PLPPR5: variants seen among roughly 807,000 people sequenced by gnomAD.
PLPPR5 encodes phospholipid phosphatase related 5, also known as phospholipid phosphatase-related protein type 5.
Under a neutral mutation model 33.9 loss-of-function variants are expected in PLPPR5, and 16 were observed. The ratio of observed to expected loss-of-function variants is 0.47; its 90% confidence interval spans 0.32 to 0.72. PLPPR5 has a LOEUF of 0.72. Ranked by LOEUF, PLPPR5 falls within the 30% of genes least tolerant of loss-of-function variation. The probability of loss-of-function intolerance (pLI) is 0.03; values close to 1 mark genes in which losing one functional copy is unlikely to be tolerated. For synonymous variants in PLPPR5, 163 were observed against 150.3 expected, an observed-to-expected ratio of 1.08 and a Z score of -0.62; for missense variants, 301 against 406.7, an observed-to-expected ratio of 0.74 and a Z score of 2.23.
At chr1:98,926,447 AGTGTGTGTGT>A (rs60874366) in intron 3 of PLPPR5, among the ~76,000 whole-genome samples, 11,589 of 132,666 alleles carry the variant, frequency 0.087, 540 homozygotes, top group South Asian at 0.13. Context: ...AGGTTTGATT[AGTGTGTGTGT>A]GTGTGTGTGT....
chr1:98,963,312 T>C (rs1651313802), intron 1 of PLPPR5, among the ~76,000 whole-genome samples: 1 of 152,242 alleles, frequency 6.6e-6, no homozygotes, highest in Non-Finnish European at 1.5e-5. Flanking sequence ...GTACATTTAT[T>C]ATGATAATTT....
chr1:98,942,807 C>T (rs778526299), intron 3 of PLPPR5, among the ~76,000 whole-genome samples: 2 of 152,180 alleles, frequency 1.3e-5, no homozygotes, highest in East Asian at 1.9e-4. Flanking sequence ...GGGGTGGACA[C>T]CTCATTCACT....
At chr1:98,918,578 T>A (rs556633559) in intron 4 of PLPPR5, among the ~76,000 whole-genome samples, 7 of 152,296 alleles carry the variant, frequency 4.6e-5, no homozygotes, top group South Asian at 4.1e-4. Flanking sequence ...ACACAGCACA[T>A]AATTCCTTAT....
chr1:98,947,508 A>C (rs1650600811), intron 3 of PLPPR5, among the ~76,000 whole-genome samples: 1 of 152,228 alleles, frequency 6.6e-6, no homozygotes, highest in African/African-American at 2.4e-5. Flanking sequence ...GTAACTGCAA[A>C]ACAGCATTAT....
chr1:99,003,747 G>C (rs1557700431), intron 1 of PLPPR5, among the ~76,000 whole-genome samples: 1 of 152,178 alleles, frequency 6.6e-6, no homozygotes, highest in Non-Finnish European at 1.5e-5. Flanking sequence ...AAGAGAAAAG[G>C]ACTTAAATTG....
intron 1 of PLPPR5, among the ~76,000 whole-genome samples, chr1:98,979,082 A>G (rs1224822790): frequency 1.3e-5 from 2 of 152,068 alleles, no homozygotes; most frequent in African/African-American, 2.4e-5. Flanking sequence ...TACGTAAAAC[A>G]GTGACTGAGT....
At chr1:98,947,787 CTAA>C (rs1650611038) in intron 3 of PLPPR5, among the ~76,000 whole-genome samples, 3 of 152,168 alleles carry the variant, frequency 2.0e-5, no homozygotes, top group African/African-American at 7.2e-5. Flanking sequence ...CATCAATCGA[CTAA>C]TAATAGTGGT....
At chr1:98,981,164 C>T (rs564747692) in intron 1 of PLPPR5, among the ~76,000 whole-genome samples, 9 of 151,998 alleles carry the variant, frequency 5.9e-5, no homozygotes, top group African/African-American at 1.7e-4. Flanking sequence ...ATTACTTGTG[C>T]GAGAGAGGTA....
chr1:98,892,544 ATAAAG>A lies in PLPPR5; in HGVS notation c.*523_*527del, dbSNP rs72175396. The A allele has an allele frequency of 0.17, 25,654 of 152,618 alleles. 2,381 individuals carry two copies. Among genetic ancestry groups the A allele is most frequent in the Non-Finnish European group, 0.21 (14,498 of 68,142 alleles). 9.5% of individuals were successfully genotyped at this position (152,618 alleles called of 1,614,324 possible). On this transcript the variant is annotated 3_prime_UTR_variant, in exon 6 of 6. Coordinates refer to ENST00000263177, the MANE Select transcript of PLPPR5 (RefSeq NM_001037317.2). Reference sequence around the variant, plus strand: ...TTACTATAGAACATACTTTCTAAAAATAAAGTAATTTCACACACTGAAATGTTAGA... The same window carrying A: ...TTACTATAGAACATACTTTCTAAAAATAATTTCACACACTGAAATGTTAGA...
At chr1:98,934,290 C>G (rs1027567093) in intron 3 of PLPPR5, among the ~76,000 whole-genome samples, 3 of 152,120 alleles carry the variant, frequency 2.0e-5, no homozygotes, top group African/African-American at 7.2e-5. Context: ...TGGATGCAAG[C>G]TTGTCATCCC....
At chr1:98,914,614 AT>A (rs974716050) in intron 5 of PLPPR5, among the ~76,000 whole-genome samples, 171 bp downstream of exon 5, 35 of 152,158 alleles carry the variant, frequency 2.3e-4, no homozygotes, top group African/African-American at 8.2e-4. Flanking sequence ...GATTTTTTAA[AT>A]GTGATATATA....
At chr1:98,898,388 C>T (rs1648562361) in intron 5 of PLPPR5, among the ~76,000 whole-genome samples, 1 of 152,140 alleles carries the variant, frequency 6.6e-6, no homozygotes, top group African/African-American at 2.4e-5. Context: ...GTCATAATCT[C>T]GAATATTGTC....
chr1:98,920,858 AAT>A (rs1371241665), intron 4 of PLPPR5, among the ~76,000 whole-genome samples: 2 of 152,120 alleles, frequency 1.3e-5, no homozygotes, highest in Admixed American at 1.3e-4. Flanking sequence ...TCAATGCAAA[AAT>A]ATGTTTTGAT....
At chr1:98,900,293 G>T (rs929164424) in intron 5 of PLPPR5, among the ~76,000 whole-genome samples, 4 of 152,076 alleles carry the variant, frequency 2.6e-5, no homozygotes, top group African/African-American at 4.8e-5. Flanking sequence ...GCGTGAGCTG[G>T]ATTCTCCAGC....
rs567705496 is a variant in PLPPR5, at chr1:98,892,899, G to A, written c.*173C>T. 15 of 632,748 alleles carry A rather than the reference G, an allele frequency of 2.4e-5. No individual in the cohort carries two copies. Among genetic ancestry groups the A allele is most frequent in the East Asian group, 1.2e-4 (4 of 32,272 alleles). The allele number at this position is 632,748 out of a possible 1,614,324, so 39.2% of individuals were successfully genotyped here. ...GAAAAAAAAAGACAATCCTGCCCTC[G>A]AGGAGCTCACAGTCTAGTGGGGGAA... is the stretch of plus-strand genomic sequence containing the variant. On this transcript the variant is annotated 3_prime_UTR_variant, in exon 6 of 6. Transcript: ENST00000263177.
intron 1 of PLPPR5, among the ~76,000 whole-genome samples, chr1:98,978,119 G>T (rs1651926034): frequency 6.6e-6 from 1 of 151,974 alleles, no homozygotes; most frequent in Non-Finnish European, 1.5e-5. Context: ...CATCGACAAT[G>T]ATTACATTTG....
At chr1:98,893,207 T>C in intron 5 of PLPPR5, 103 bp from the exon 6 acceptor site, 1 of 1,057,068 alleles carries the variant, frequency 9.5e-7, no homozygotes. Context: ...ATGCTGAATG[T>C]TGAAGTTGCA....
At chr1:98,993,527 A>G in intron 1 of PLPPR5, among the ~76,000 whole-genome samples, 1 of 152,114 alleles carries the variant, frequency 6.6e-6, no homozygotes, top group East Asian at 1.9e-4. Context: ...TTAGTAACTG[A>G]GCAAGCCCAA....
chr1:98,911,764 T>C (rs985338852), intron 5 of PLPPR5, among the ~76,000 whole-genome samples: 11 of 151,958 alleles, frequency 7.2e-5, no homozygotes, highest in African/African-American at 2.7e-4. Context: ...TTTTTTTTTT[T>C]AGAGATGGGG....
Sources: allele counts gnomAD v4.1 joint callset (sites outside exome capture counted in the v4.1 genomes callset), GRCh38; gene constraint gnomAD v4.1.1; transcripts MANE v1.5; gene names NCBI Gene and HGNC (gene_info 2026-07-23, HGNC 2026-07-21).